The following ANKS1B variants were observed in gnomAD, a reference collection of about 807,000 sequenced individuals.
ANKS1B encodes ankyrin repeat and sterile alpha motif domain-containing protein 1B.
ANKS1B carries 36 observed loss-of-function variants against 148.3 expected under a neutral mutation model. The ratio of observed to expected loss-of-function variants is 0.24; its 90% CI spans 0.19 to 0.32. ANKS1B has a LOEUF of 0.32. Among genes scored for constraint, ANKS1B ranks in the 10% least tolerant of loss-of-function variants. The pLI, the probability that ANKS1B is intolerant of heterozygous loss-of-function variation, is 1.00. For missense variants in ANKS1B, 1,157 were observed against 1,542.6 expected, an observed-to-expected ratio of 0.75 and a Z score of 4.19; for synonymous variants, 542 against 560.8, an observed-to-expected ratio of 0.97 and a Z score of 0.47.
At chr12:99,767,332 G>A (rs560204164) in intron 8 of ANKS1B, among the ~76,000 whole-genome samples, 2 of 151,710 alleles carry the variant, frequency 1.3e-5, no homozygotes, top group East Asian at 1.9e-4. Flanking sequence ...TACATAACAC[G>A]TTTCATCCCT....
At chr12:99,464,562 T>C in intron 10 of ANKS1B, among the ~76,000 whole-genome samples, 1 of 152,098 alleles carries the variant, frequency 6.6e-6, no homozygotes, top group Non-Finnish European at 1.5e-5. Flanking sequence ...TAGATGAATG[T>C]ATAACTAGAA....
intron 4 of ANKS1B, among the ~76,000 whole-genome samples, chr12:99,787,747 AC>A (rs2065162300): frequency 2.0e-5 from 3 of 152,360 alleles, no homozygotes; most frequent in South Asian, 4.1e-4. Context: ...GTCTTGAATC[AC>A]GGGCGCTGCC....
intron 1 of ANKS1B, among the ~76,000 whole-genome samples, chr12:99,890,570 GGT>G (rs10603901): frequency 0.092 from 12,676 of 137,228 alleles, 593 homozygotes; most frequent in East Asian, 0.25. Context: ...TCGCATTCAT[GGT>G]GTGTGTGTGT....
intron 16 of ANKS1B, among the ~76,000 whole-genome samples, chr12:99,082,260 C>T (rs1483047763): frequency 6.6e-6 from 1 of 152,010 alleles, no homozygotes; most frequent in African/African-American, 2.4e-5. Flanking sequence ...CACTAAGTGG[C>T]ATGAAGAAAA....
chr12:99,435,668 AG>A (rs1480731126), intron 11 of ANKS1B, among the ~76,000 whole-genome samples: 4 of 152,140 alleles, frequency 2.6e-5, no homozygotes, highest in South Asian at 4.1e-4. Flanking sequence ...TGAAAAACTG[AG>A]GGTGAGAAGG....
chr12:99,697,239 G>T (rs956717111), intron 8 of ANKS1B, among the ~76,000 whole-genome samples: 1 of 152,052 alleles, frequency 6.6e-6, no homozygotes, highest in Admixed American at 6.6e-5. Context: ...TTTCATTTGA[G>T]AATTTATCCA....
chr12:99,215,666 G>A (rs985840495), intron 14 of ANKS1B, among the ~76,000 whole-genome samples: 5 of 152,236 alleles, frequency 3.3e-5, no homozygotes, highest in African/African-American at 9.6e-5. Context: ...TTTTGGACTT[G>A]CATGGGGCCT....
At chr12:98,859,358 A>C (rs1004864561) in intron 17 of ANKS1B, among the ~76,000 whole-genome samples, 2 of 152,262 alleles carry the variant, frequency 1.3e-5, no homozygotes, top group African/African-American at 4.8e-5. Context: ...AAAAATAAGA[A>C]AAGACTAACA....
chr12:99,309,710 C>T (rs2154025105), intron 12 of ANKS1B, among the ~76,000 whole-genome samples: 1 of 152,164 alleles, frequency 6.6e-6, no homozygotes, highest in Non-Finnish European at 1.5e-5. Flanking sequence ...CTGAAGTTTT[C>T]ATTGTTGAAT....
Position 99,133,930 on chromosome 12 carries a change from G to A in ANKS1B, c.2526+20359C>T, listed in dbSNP as rs373306320. Reference sequence around the variant, plus strand: ...GGAATTAGCATGTTGTTACCGTGACGGTTTCCACATGTGGAAACTGAAGCA... The same window carrying A: ...GGAATTAGCATGTTGTTACCGTGACAGTTTCCACATGTGGAAACTGAAGCA... On this transcript the variant is annotated intron_variant, in intron 15 of 26. Transcript: ENST00000683438. 2.6e-5 allele frequency among the ~76,000 whole-genome samples: 4 copies of A among 152,106 alleles called. No individual in the cohort carries two copies. The South Asian group carries it at 6.2e-4, about 24-fold the overall frequency.
At chr12:99,921,028 C>T (rs1301279610) in intron 1 of ANKS1B, among the ~76,000 whole-genome samples, 1 of 152,200 alleles carries the variant, frequency 6.6e-6, no homozygotes, top group Non-Finnish European at 1.5e-5. Flanking sequence ...CAATCCTCTA[C>T]ACAAATTTGG....
chr12:98,933,491 C>A (rs1454864271), intron 17 of ANKS1B, among the ~76,000 whole-genome samples: 1 of 151,984 alleles, frequency 6.6e-6, no homozygotes, highest in Non-Finnish European at 1.5e-5. Context: ...ATCCTGATTT[C>A]AATTTTGGTG....
intron 8 of ANKS1B, among the ~76,000 whole-genome samples, chr12:99,699,004 G>T (rs565260564): frequency 6.6e-6 from 1 of 152,014 alleles, no homozygotes; most frequent in African/African-American, 2.4e-5. Context: ...GCACATGTGC[G>T]TGCTCTTTAT....
intron 16 of ANKS1B, among the ~76,000 whole-genome samples, chr12:99,054,561 TGGAG>T (rs1371608117): frequency 1.3e-5 from 2 of 152,172 alleles, no homozygotes; most frequent in African/African-American, 4.8e-5. Flanking sequence ...TTTTTTGAAA[TGGAG>T]TCTTGCTCTA....
chr12:99,798,642 C>T (rs1045083363), intron 4 of ANKS1B, among the ~76,000 whole-genome samples: 4 of 151,902 alleles, frequency 2.6e-5, no homozygotes, highest in African/African-American at 4.8e-5. Flanking sequence ...CCTAGAAAAA[C>T]ATCGTGTGAA....
intron 17 of ANKS1B, among the ~76,000 whole-genome samples, chr12:98,845,931 T>C (rs1016846824): frequency 2.0e-5 from 3 of 151,834 alleles, no homozygotes; most frequent in African/African-American, 7.3e-5. Flanking sequence ...AAGATACTTT[T>C]TTTTCTGTTG....
At chr12:99,505,925 A>G (rs2096707408) in intron 9 of ANKS1B, among the ~76,000 whole-genome samples, 1 of 152,078 alleles carries the variant, frequency 6.6e-6, no homozygotes, top group Admixed American at 6.6e-5. Flanking sequence ...GAACACTTAC[A>G]TTAGCGTATA....
chr12:99,789,692 AG>A (rs1294873024), intron 4 of ANKS1B, among the ~76,000 whole-genome samples: 4 of 152,224 alleles, frequency 2.6e-5, no homozygotes, highest in African/African-American at 9.6e-5. Context: ...GAGTCTCTTA[AG>A]AGCAGAATTA....
intron 14 of ANKS1B, among the ~76,000 whole-genome samples, chr12:99,200,527 C>T (rs1164294338): frequency 6.6e-6 from 1 of 152,136 alleles, no homozygotes; most frequent in South Asian, 2.1e-4. Flanking sequence ...TGACTGGTAA[C>T]ATGTCATTGG....
Sources: gnomAD v4.1 joint callset for allele counts (sites outside exome capture counted in the v4.1 genomes callset) on GRCh38, gnomAD v4.1.1 for gene constraint, MANE v1.5 for transcripts, NCBI Gene and HGNC (gene_info 2026-07-23, HGNC 2026-07-21) for gene names.